Variants in CRTAC1 observed in about 807,000 individuals in gnomAD.
CRTAC1 encodes the protein acidic secreted protein in cartilage.
Under a neutral mutation model 67.8 loss-of-function variants are expected in CRTAC1, and 37 were observed. That is an observed-to-expected ratio of 0.55 (90% CI 0.42 to 0.72). CRTAC1 has a LOEUF of 0.72. Among genes scored for constraint, CRTAC1 ranks in the 30% least tolerant of loss-of-function variants. The pLI, the probability that CRTAC1 is intolerant of heterozygous loss-of-function variation, is 0.00. For missense variants in CRTAC1, 780 were observed against 931.6 expected, an observed-to-expected ratio of 0.84 and a Z score of 2.12; for synonymous variants, 348 against 371.0, an observed-to-expected ratio of 0.94 and a Z score of 0.71.
At chr10:97,948,642 G>T (rs2051302304) in intron 2 of CRTAC1, among the ~76,000 whole-genome samples, 1 of 152,196 alleles carries the variant, frequency 6.6e-6, no homozygotes, top group African/African-American at 2.4e-5. Context: ...CTGGAATTAA[G>T]AGGAAAGGAA....
chr10:98,020,896 T>A (rs955348795), intron 1 of CRTAC1, among the ~76,000 whole-genome samples: 2 of 152,162 alleles, frequency 1.3e-5, no homozygotes, highest in Non-Finnish European at 2.9e-5. Context: ...GAAGGAATAC[T>A]GTGTCAGTAC....
intron 2 of CRTAC1, among the ~76,000 whole-genome samples, chr10:98,009,690 G>C (rs1359015387): frequency 1.3e-5 from 2 of 152,144 alleles, no homozygotes; most frequent in East Asian, 3.8e-4. Context: ...AATGTTACCC[G>C]CCAGTTACTT....
chr10:97,980,698 C>T (rs1172150165), intron 2 of CRTAC1, among the ~76,000 whole-genome samples: 2 of 152,172 alleles, frequency 1.3e-5, no homozygotes, highest in East Asian at 3.8e-4. Context: ...CACGGAGGCA[C>T]CTATGCACCA....
rs369935954 is a variant in CRTAC1, at chr10:98,000,589, G to A, written c.224+10549C>T. On this transcript the variant is annotated intron_variant, in intron 2 of 14. Transcript: ENST00000370597. Reference sequence around the variant, plus strand: ...CGTGGGATCCAGCCTGGTGGTATGAGCTGAGCGCAGCCTGCCAGGGCGAGT... The same window carrying A: ...CGTGGGATCCAGCCTGGTGGTATGAACTGAGCGCAGCCTGCCAGGGCGAGT... Among the ~76,000 whole-genome samples, 67 of 152,362 alleles carry A rather than the reference G, an allele frequency of 4.4e-4. 1 individual carries two copies. The highest frequency in any genetic ancestry group is 1.5e-3 in the African/African-American group (64 of 41,588).
chr10:97,896,990 C>T lies in CRTAC1; in HGVS notation c.1135G>A (p.Val379Ile), dbSNP rs375390021. The stretch of plus-strand genomic sequence containing the variant: ...GGGTCTCCGTGCTCTCTACGGATGA[C>T]GCTGCAGGAGAGGAGACAGGCTTGC... Reference protein sequence around the residue: ...RSSSANRLFRVIRREHGDPLI... With the variant: ...RSSSANRLFRIIRREHGDPLI... The change falls in exon 9 of 15, where the codon GTC becomes ATC. Residue 379 changes from valine to isoleucine, a missense_variant and splice_region_variant. By Grantham distance (29) the Val-to-Ile change is conservative. Coordinates refer to ENST00000370597, the MANE Select transcript of CRTAC1 (RefSeq NM_018058.7). The T allele has an allele frequency of 5.3e-5, 82 of 1,555,082 alleles. No homozygotes were observed. The highest frequency in any genetic ancestry group is 9.6e-5 in the East Asian group (4 of 41,558).
intron 2 of CRTAC1, among the ~76,000 whole-genome samples, chr10:98,008,043 C>G (rs1842827656): frequency 6.6e-6 from 1 of 152,138 alleles, no homozygotes; most frequent in African/African-American, 2.4e-5. Context: ...GGGAACTGAC[C>G]TCAGCGACTG....
At chr10:98,018,288 C>G (rs1012851486) in intron 1 of CRTAC1, among the ~76,000 whole-genome samples, 14 of 149,906 alleles carry the variant, frequency 9.3e-5, no homozygotes, top group African/African-American at 3.2e-4. Flanking sequence ...GGATCTCAAC[C>G]CTACCACAGC....
intron 2 of CRTAC1, among the ~76,000 whole-genome samples, chr10:97,991,126 AAG>A (rs199700860): frequency 0.02 from 2,587 of 132,612 alleles, 326 homozygotes; most frequent in East Asian, 0.049. Flanking sequence ...AAAAAAAAAA[AAG>A]ATTATCTCAG....
chr10:98,012,091 C>T (rs534580551), intron 1 of CRTAC1, among the ~76,000 whole-genome samples: 3 of 152,270 alleles, frequency 2.0e-5, no homozygotes, highest in African/African-American at 4.8e-5. Flanking sequence ...TTAGGGGAGG[C>T]GTTCCAGCAG....
intron 2 of CRTAC1, among the ~76,000 whole-genome samples, chr10:97,942,335 G>A (rs992923491): frequency 5.9e-5 from 9 of 152,194 alleles, no homozygotes; most frequent in African/African-American, 1.7e-4. Flanking sequence ...AAGGTACAAA[G>A]AGCTGAACAA....
At chr10:97,997,755 A>C (rs1842611242) in intron 2 of CRTAC1, among the ~76,000 whole-genome samples, 1 of 152,218 alleles carries the variant, frequency 6.6e-6, no homozygotes, top group African/African-American at 2.4e-5. Flanking sequence ...AAAATAAAAA[A>C]CGGTTTTTGA....
chr10:97,872,326 T>A (rs2050102963), intron 14 of CRTAC1, among the ~76,000 whole-genome samples: 1 of 152,188 alleles, frequency 6.6e-6, no homozygotes, highest in African/African-American at 2.4e-5. Flanking sequence ...CACCTGCAAG[T>A]GGTCACCTTA....
chr10:97,938,760 G>T (rs1042053442), intron 2 of CRTAC1, among the ~76,000 whole-genome samples: 1 of 152,222 alleles, frequency 6.6e-6, no homozygotes, highest in South Asian at 2.1e-4. Flanking sequence ...ATTTGCCAGA[G>T]ATGAGGTTGG....
chr10:98,026,946 G>A (rs566827439), intron 1 of CRTAC1, among the ~76,000 whole-genome samples: 4 of 152,298 alleles, frequency 2.6e-5, no homozygotes, highest in Non-Finnish European at 5.9e-5. Flanking sequence ...TTGGGAGGCC[G>A]AGGCGGGCAG....
At chr10:97,909,189 G>A (rs768612363) in intron 5 of CRTAC1, among the ~76,000 whole-genome samples, 23 of 152,030 alleles carry the variant, frequency 1.5e-4, no homozygotes, top group Non-Finnish European at 3.1e-4. Context: ...ACCTTAATAC[G>A]TCCTGAACAA....
intron 4 of CRTAC1, among the ~76,000 whole-genome samples, chr10:97,920,667 C>CAT (rs2050823609): frequency 6.6e-6 from 1 of 152,230 alleles, no homozygotes; most frequent in African/African-American, 2.4e-5. Context: ...AGCCCGGGTC[C>CAT]TAGTCTAGGG....
chr10:97,928,017 C>A (rs1431839710), intron 3 of CRTAC1, among the ~76,000 whole-genome samples: 3 of 152,164 alleles, frequency 2.0e-5, no homozygotes, highest in African/African-American at 7.2e-5. Flanking sequence ...CTGTTAGGAG[C>A]AGGAGAGAGG....
intron 2 of CRTAC1, among the ~76,000 whole-genome samples, chr10:97,997,207 C>T (rs1842596354): frequency 7.0e-6 from 1 of 143,702 alleles, no homozygotes; most frequent in Non-Finnish European, 1.5e-5. Flanking sequence ...GCACATTGTG[C>T]ACATGTACCC....
In CRTAC1 at chr10:98,002,871, C is replaced by T. The variant is rs892757865; in HGVS notation, c.224+8267G>A. On this transcript the variant is annotated intron_variant, in intron 2 of 14. Coordinates refer to ENST00000370597, the MANE Select transcript of CRTAC1 (RefSeq NM_018058.7). ...TCCGTTCACTGCAAGCTCCGCCTCCCGGGTTCATGCCATTCTCCTGCCTCA... is the reference window on the plus strand; with the variant it reads ...TCCGTTCACTGCAAGCTCCGCCTCCTGGGTTCATGCCATTCTCCTGCCTCA... Among the ~76,000 whole-genome samples, 312 of 146,832 alleles carry T rather than the reference C, an allele frequency of 2.1e-3. 2 individuals carry two copies. Among genetic ancestry groups the T allele is most frequent in the African/African-American group, 7.7e-3 (301 of 39,180 alleles).
Sources: gnomAD v4.1 joint callset for allele counts (sites outside exome capture counted in the v4.1 genomes callset) on GRCh38, gnomAD v4.1.1 for gene constraint, MANE v1.5 for transcripts, NCBI Gene and HGNC (gene_info 2026-07-23, HGNC 2026-07-21) for gene names.